Variants in PCDHGA12 observed in about 807,000 individuals in gnomAD.
The protein encoded by PCDHGA12 is protocadherin gamma subfamily A, 12.
In PCDHGA12, 43 loss-of-function variants were observed where a neutral mutation model predicts 61.1. That is an observed-to-expected ratio of 0.70 (90% confidence interval 0.55 to 0.91). PCDHGA12 has a LOEUF of 0.91. Among genes scored for constraint, PCDHGA12 ranks in the 40% least tolerant of loss-of-function variants. The probability of loss-of-function intolerance (pLI) is 0.00; values close to 1 mark genes in which losing one functional copy is unlikely to be tolerated. For missense variants in PCDHGA12, 1,236 were observed against 1,227.7 expected, an observed-to-expected ratio of 1.01 and a Z score of -0.10; for synonymous variants, 520 against 542.9, an observed-to-expected ratio of 0.96 and a Z score of 0.59.
rs1417059875 is a variant in PCDHGA12 at position 141,496,499 on chromosome 5, G to C, written c.2483+1634G>C. 2.6e-5 allele frequency among the ~76,000 whole-genome samples: 4 copies of C among 152,102 alleles called. No individual in the cohort carries two copies. In the East Asian group the frequency reaches 7.7e-4, roughly 29 times the overall value. On this transcript the variant is annotated intron_variant, in intron 2 of 3. Coordinates refer to ENST00000252085, the MANE Select transcript of PCDHGA12 (RefSeq NM_003735.3). ...TCCTGCAACCAACCAAACCCTTGTT[G>C]CCACAAGGACCCAGGAGCCCTTGGT...
At chr5:141,440,472 A>C (rs913774913) in intron 1 of PCDHGA12, 6 of 152,322 alleles carry the variant, frequency 3.9e-5, no homozygotes, top group Admixed American at 3.9e-4. Flanking sequence ...ACGGTAGTTG[A>C]AAATTCTTTA....
intron 1 of PCDHGA12, among the ~76,000 whole-genome samples, chr5:141,449,848 T>C (rs7713034): frequency 0.29 from 44,283 of 151,474 alleles, 7,514 homozygotes; most frequent in African/African-American, 0.48. Flanking sequence ...AATTAAATTT[T>C]AATAATAAAA....
chr5:141,489,085 G>A lies in PCDHGA12; in HGVS notation c.2425-5722G>A, dbSNP rs1347512723. The A allele has an allele frequency of 2.6e-5, 6 of 230,066 alleles. No homozygotes were observed. The South Asian group carries it at 4.3e-4, about 16-fold the overall frequency. 14.3% of individuals were successfully genotyped at this position (230,066 alleles called of 1,614,324 possible). A position where few individuals can be genotyped will look rare whatever the true frequency, so the allele number is the denominator to read the frequency against. Reference sequence around the variant, plus strand: ...TCCCCCCTGCCCACCCCCGCCACTCGGTGACTAAGAACTGCTGCAAGCAGG... The same window carrying A: ...TCCCCCCTGCCCACCCCCGCCACTCAGTGACTAAGAACTGCTGCAAGCAGG... On this transcript the variant is annotated intron_variant, in intron 1 of 3. Coordinates refer to ENST00000252085, the MANE Select transcript of PCDHGA12 (RefSeq NM_003735.3). The surrounding 1 kb of genome is among the most constrained non-coding windows in gnomAD (Gnocchi z 4.5).
intron 3 of PCDHGA12, among the ~76,000 whole-genome samples, chr5:141,508,957 C>T (rs1242113190): frequency 6.6e-6 from 1 of 151,976 alleles, no homozygotes; most frequent in Non-Finnish European, 1.5e-5. Context: ...GAAATGTCAG[C>T]GGAATGAAAG....
In PCDHGA12 at chr5:141,491,801, G is replaced by C; in HGVS notation, c.2425-3006G>C. 1 of 1,500,844 alleles carries C rather than the reference G, an allele frequency of 6.7e-7. No individual in the cohort carries two copies. Among genetic ancestry groups the C allele is most frequent in the Non-Finnish European group, 8.9e-7 (1 of 1,125,292 alleles). The allele number at this position is 1,500,844 out of a possible 1,614,324, so 93.0% of individuals were successfully genotyped here. The stretch of plus-strand genomic sequence containing the variant: ...AACTTGCATCCACTCCTCTCCGGCC[G>C]GCTTGGTCGCTGGCTGCGCTCCACC... On this transcript the variant is annotated intron_variant, in intron 1 of 3. Coordinates refer to ENST00000252085, the MANE Select transcript of PCDHGA12 (RefSeq NM_003735.3). The surrounding 1 kb of genome is among the most constrained non-coding windows in gnomAD (Gnocchi z 6.9).
At chr5:141,481,618 G>C (rs1339565594) in intron 1 of PCDHGA12, among the ~76,000 whole-genome samples, 1 of 152,142 alleles carries the variant, frequency 6.6e-6, no homozygotes, top group African/African-American at 2.4e-5. Context: ...AGGAGTTCAA[G>C]ACCGGCCTGG....
chr5:141,443,938 G>T (rs1330111540), intron 1 of PCDHGA12, among the ~76,000 whole-genome samples: 1 of 152,014 alleles, frequency 6.6e-6, no homozygotes, highest in Non-Finnish European at 1.5e-5. Context: ...CTCACAGCAG[G>T]TTTCCTTATT....
intron 1 of PCDHGA12, chr5:141,471,645 T>G (rs891817778): frequency 1.3e-5 from 2 of 152,178 alleles, no homozygotes; most frequent in Non-Finnish European, 2.9e-5. Context: ...AGTAATATAC[T>G]GGATGTGGGG....
At chr5:141,495,279 G>T (rs72790069) in intron 2 of PCDHGA12, among the ~76,000 whole-genome samples, 4 of 152,146 alleles carry the variant, frequency 2.6e-5, no homozygotes, top group Non-Finnish European at 5.9e-5. Context: ...CGGAGGAGGC[G>T]GTCCGCACTC....
At chr5:141,501,298 C>CAG (rs2099807427) in intron 2 of PCDHGA12, among the ~76,000 whole-genome samples, 1 of 148,330 alleles carries the variant, frequency 6.7e-6, no homozygotes, top group Non-Finnish European at 1.5e-5. Context: ...TATACACACA[C>CAG]ACACACACAC....
At chr5:141,478,234 G>C (rs762337749) in intron 1 of PCDHGA12, 21 of 1,614,082 alleles carry the variant, frequency 1.3e-5, no homozygotes, top group Non-Finnish European at 1.8e-5. Flanking sequence ...TGGGGTTTGT[G>C]GTCACAGTGT....
intron 2 of PCDHGA12, among the ~76,000 whole-genome samples, chr5:141,495,471 G>A (rs2099761632): frequency 6.6e-6 from 1 of 152,190 alleles, no homozygotes; most frequent in Non-Finnish European, 1.5e-5. Context: ...TGGGGTCTCC[G>A]TGTCTCTGCC....
chr5:141,493,336 A>G lies in PCDHGA12; in HGVS notation c.2425-1471A>G, dbSNP rs1049621539. Among the ~76,000 whole-genome samples, 4 of 152,202 alleles carry G rather than the reference A, an allele frequency of 2.6e-5. No homozygotes were observed. Among genetic ancestry groups the G allele is most frequent in the African/African-American group, 9.7e-5 (4 of 41,450 alleles). On this transcript the variant is annotated intron_variant, in intron 1 of 3. Transcript: ENST00000252085. The surrounding 1 kb of genome is among the most constrained non-coding windows in gnomAD (Gnocchi z 4.3). ...GAGATTCTAACCCCTGTCTAACTCC[A>G]GAATGTGTGCTTTTAATTTCTTGGC...
At chr5:141,504,785 G>A (rs1439244687) in intron 2 of PCDHGA12, among the ~76,000 whole-genome samples, 1 of 151,964 alleles carries the variant, frequency 6.6e-6, no homozygotes, top group East Asian at 1.9e-4. Context: ...GTCTCTTGGG[G>A]CCTCCTACAT....
At position 141,484,932 on chromosome 5, in the gene PCDHGA12, C is replaced by T. The variant is rs1594431677; in HGVS notation, c.2425-9875C>T. On this transcript the variant is annotated intron_variant, in intron 1 of 3. Coordinates refer to ENST00000252085, the MANE Select transcript of PCDHGA12 (RefSeq NM_003735.3). ...CGCATTAACCCTGCTGCTGTTGGGA[C>T]GTTCTCTGCTCAGCCTATTGGCTGA... 1.2e-5 allele frequency: 6 copies of T among 501,356 alleles called. No individual in the cohort carries two copies. The East Asian group carries it at 1.4e-4, about 12-fold the overall frequency. 31.1% of individuals were successfully genotyped at this position (501,356 alleles called of 1,614,324 possible).
chr5:141,489,915 C>T lies in PCDHGA12; in HGVS notation c.2425-4892C>T, dbSNP rs971312502. On this transcript the variant is annotated intron_variant, in intron 1 of 3. Coordinates refer to ENST00000252085, the MANE Select transcript of PCDHGA12 (RefSeq NM_003735.3). This position sits in a 1 kb window ranked among gnomAD's most constrained non-coding sequence, Gnocchi z 4.5. ...GGGGGACCCCAGCCCGCTCAGGGAC[C>T]ACCCTTATCTCTGTCATCGTGCTGG... The T allele has an allele frequency of 6.2e-7, 1 of 1,614,242 alleles. No individual in the cohort carries two copies. Among genetic ancestry groups the T allele is most frequent in the Non-Finnish European group, 8.5e-7 (1 of 1,180,044 alleles).
At chr5:141,501,298 C>T (rs998006748) in intron 2 of PCDHGA12, among the ~76,000 whole-genome samples, 216 of 148,422 alleles carry the variant, frequency 1.5e-3, no homozygotes, top group Admixed American at 2.4e-3. Context: ...TATACACACA[C>T]ACACACACAC....
intron 3 of PCDHGA12, 118 bp downstream of exon 3, chr5:141,505,599 G>A (rs936757644): frequency 1.5e-5 from 23 of 1,555,468 alleles, no homozygotes; most frequent in South Asian, 2.4e-5. Flanking sequence ...CAGATCTTTC[G>A]GCAGGTCTGA....
chr5:141,477,274 G>A lies in PCDHGA12; in HGVS notation c.2425-17533G>A. The A allele has an allele frequency of 2.5e-6, 4 of 1,614,034 alleles. No homozygotes were observed. Among genetic ancestry groups the A allele is most frequent in the East Asian group, 2.2e-5 (1 of 44,880 alleles). ...ACCTGGATGCTGGCGAGAACGGGCT[G>A]GTGACCTGCGAAGTTCCACCGGGTC... On this transcript the variant is annotated intron_variant, in intron 1 of 3. Coordinates refer to ENST00000252085, the MANE Select transcript of PCDHGA12 (RefSeq NM_003735.3). This position sits in a 1 kb window ranked among gnomAD's most constrained non-coding sequence, Gnocchi z 4.9.
Sources: allele counts gnomAD v4.1 joint callset (sites outside exome capture counted in the v4.1 genomes callset), GRCh38; gene constraint gnomAD v4.1.1; non-coding constraint Gnocchi (gnomAD v3.1); transcripts MANE v1.5; gene names NCBI Gene and HGNC (gene_info 2026-07-23, HGNC 2026-07-21).